ARHGEF18: variants seen among roughly 807,000 people sequenced by gnomAD.
The protein encoded by ARHGEF18 is rho guanine nucleotide exchange factor 18.
Under a neutral mutation model 155.7 loss-of-function variants are expected in ARHGEF18, and 93 were observed. The observed-to-expected ratio is 0.60, with a 90% confidence interval of 0.50 to 0.71. The LOEUF (loss-of-function observed/expected upper bound fraction) is 0.71. Among genes scored for constraint, ARHGEF18 ranks in the 30% least tolerant of loss-of-function variants. The pLI, the probability that ARHGEF18 is intolerant of heterozygous loss-of-function variation, is 0.00. For synonymous variants in ARHGEF18, 742 were observed against 753.1 expected (o/e 0.99, Z 0.24); for missense variants, 1,593 against 1,816.1 (o/e 0.88, Z 2.23).
chr19:7,458,278 C>T lies in ARHGEF18; in HGVS notation c.2182-234C>T, dbSNP rs1975972460. On this transcript the variant is annotated intron_variant, in intron 18 of 28. Coordinates refer to ENST00000668164, the MANE Select transcript of ARHGEF18 (RefSeq NM_001367823.1). ...CTACAGCCTGGGTGACAGAGCAAGACCTGGCCTCCAAGATAGTTTAAAAAA... is the reference window on the plus strand; with the variant it reads ...CTACAGCCTGGGTGACAGAGCAAGATCTGGCCTCCAAGATAGTTTAAAAAA... Among the ~76,000 whole-genome samples the T allele has an allele frequency of 2.8e-5, 4 of 141,170 alleles. No individual in the cohort carries two copies. In the South Asian group the frequency reaches 6.7e-4, roughly 24 times the overall value. The allele number at this position is 141,170 out of a possible 152,430, so 92.6% of individuals were successfully genotyped here.
chr19:7,429,462 GT>G (rs754812819), intron 10 of ARHGEF18, among the ~76,000 whole-genome samples: 38 of 152,144 alleles, frequency 2.5e-4, no homozygotes, highest in Non-Finnish European at 4.4e-4. Context: ...AATTACCTAG[GT>G]GTGGTGGCAG....
At chr19:7,420,905 G>A (rs1304110466) in intron 10 of ARHGEF18, among the ~76,000 whole-genome samples, 1 of 152,134 alleles carries the variant, frequency 6.6e-6, no homozygotes, top group Non-Finnish European at 1.5e-5. Context: ...GATGGATGGC[G>A]GACAGCTCTG....
At chr19:7,432,925 C>T (rs1253758114) in intron 10 of ARHGEF18, among the ~76,000 whole-genome samples, 1 of 152,170 alleles carries the variant, frequency 6.6e-6, no homozygotes, top group Non-Finnish European at 1.5e-5. Context: ...TTTGGGAAGT[C>T]GAAGCGGGAG....
In ARHGEF18 at chr19:7,466,827, GTT is replaced by G. The variant is rs1345360345; in HGVS notation, c.2905-90_2905-89del. 5.2e-5 allele frequency: 34 copies of G among 649,792 alleles called. No homozygotes were observed. The Middle Eastern group carries it at 1.5e-3, about 29-fold the overall frequency. 40.3% of individuals were successfully genotyped at this position (649,792 alleles called of 1,614,324 possible). Reference sequence around the variant, plus strand: ...CTCAAAAAAAAAAAAAAAAAAAAAAGTTAAAAAAAAAGAAGAAGAAGAAGAAG... The same window carrying G: ...CTCAAAAAAAAAAAAAAAAAAAAAAGAAAAAAAAAGAAGAAGAAGAAGAAG... On this transcript the variant is annotated intron_variant, in intron 23 of 28. Transcript: ENST00000668164.
Position 7,359,705 on chromosome 19 carries a change from T to A in ARHGEF18, c.-110-3076T>A, listed in dbSNP as rs60089235. Among the ~76,000 whole-genome samples the A allele has an allele frequency of 0.013, 1,913 of 152,246 alleles. 135 individuals are homozygous for A. The East Asian group carries it at 0.22, about 18-fold the overall frequency. ...GATATCAGGATCAAGGCTCAGTATATGACACCAGGATCATGGCTCAGTCTG... is the reference window on the plus strand; with the variant it reads ...GATATCAGGATCAAGGCTCAGTATAAGACACCAGGATCATGGCTCAGTCTG... On this transcript the variant is annotated intron_variant, in intron 1 of 28. Transcript: ENST00000668164.
chr19:7,421,391 G>A (rs1338488170), intron 10 of ARHGEF18, among the ~76,000 whole-genome samples: 1 of 152,128 alleles, frequency 6.6e-6, no homozygotes, highest in African/African-American at 2.4e-5. Flanking sequence ...TCAGAGGGCC[G>A]ACTTTTCCCA....
At chr19:7,434,033 A>G (rs892718116) in intron 10 of ARHGEF18, among the ~76,000 whole-genome samples, 87 of 121,446 alleles carry the variant, frequency 7.2e-4, no homozygotes, top group East Asian at 9.7e-4. Flanking sequence ...AAAAAAAAAA[A>G]AAAAGAAAAA....
intron 17 of ARHGEF18, among the ~76,000 whole-genome samples, chr19:7,454,246 G>A (rs1403511211): frequency 6.6e-6 from 1 of 150,698 alleles, no homozygotes; most frequent in Non-Finnish European, 1.5e-5. Flanking sequence ...GCACAATTTG[G>A]GTTGGTGGGT....
At chr19:7,423,670 A>G (rs981117841) in intron 10 of ARHGEF18, among the ~76,000 whole-genome samples, 1 of 150,018 alleles carries the variant, frequency 6.7e-6, no homozygotes, top group Non-Finnish European at 1.5e-5. Flanking sequence ...GCGCCACTGC[A>G]CTCTAGCCTG....
intron 1 of ARHGEF18, among the ~76,000 whole-genome samples, chr19:7,351,708 T>C (rs1286280511): frequency 1.3e-4 from 17 of 132,652 alleles, no homozygotes; most frequent in African/African-American, 6.0e-4. Context: ...CTCTCTCTTT[T>C]TTTTTTTTTT....
intron 2 of ARHGEF18, among the ~76,000 whole-genome samples, chr19:7,369,416 G>A (rs1233266890): frequency 1.7e-4 from 25 of 150,036 alleles, no homozygotes; most frequent in Non-Finnish European, 3.0e-4. Context: ...AGCTGAGATC[G>A]GGCCATTGCA....
intron 3 of ARHGEF18, among the ~76,000 whole-genome samples, chr19:7,375,394 G>GGAAGAAAGGAAA (rs1970409265): frequency 6.7e-6 from 1 of 148,514 alleles, no homozygotes; most frequent in Admixed American, 6.8e-5. Context: ...AAGGAAGGAA[G>GGAAGAAAGGAAA]GAAGAAAGGA....
chr19:7,473,593 C>T (rs541868819), downstream of ARHGEF18, among the ~76,000 whole-genome samples: 40 of 152,046 alleles, frequency 2.6e-4, no homozygotes, highest in Non-Finnish European at 4.9e-4. Flanking sequence ...GGGCAGATTA[C>T]GAGGTCAGGA....
At chr19:7,479,577 G>C in the ARHGEF18 span, among the ~76,000 whole-genome samples, 2 of 152,242 alleles carry the variant, frequency 1.3e-5, no homozygotes, top group Admixed American at 6.5e-5. Flanking sequence ...CCTTAGGGCA[G>C]ATGTCTGGTC....
At chr19:7,406,112 G>A (rs1287626671) in intron 10 of ARHGEF18, among the ~76,000 whole-genome samples, 1 of 152,056 alleles carries the variant, frequency 6.6e-6, no homozygotes, top group African/African-American at 2.4e-5. Context: ...ACGGAGTTTC[G>A]CTCTGTCACC....
chr19:7,349,803 T>G (rs1402625711), intron 1 of ARHGEF18, among the ~76,000 whole-genome samples: 1 of 151,982 alleles, frequency 6.6e-6, no homozygotes. Flanking sequence ...AAGGCCCTCC[T>G]GCGTGGAGAC....
In ARHGEF18 at chr19:7,470,227, C is replaced by A. The variant is rs1306664417; in HGVS notation, c.4015C>A (p.Pro1339Thr). The A allele has an allele frequency of 1.2e-6, 2 of 1,609,094 alleles. No individual in the cohort carries two copies. Among genetic ancestry groups the A allele is most frequent in the Non-Finnish European group, 1.7e-6 (2 of 1,178,432 alleles). Residue 1339 changes from proline (P) to threonine (T), a missense_variant, in exon 29 of 29, where the codon CCC becomes ACC. Transcript: ENST00000668164. This position sits in a 1 kb window ranked among gnomAD's most constrained non-coding sequence, Gnocchi z 5.9. Reference sequence around the variant, plus strand: ...AGCCCTCCTGCCCGGGCCCCCAGCTCCCTCGCCACTGCCGGCCACACCACT... The same window carrying A: ...AGCCCTCCTGCCCGGGCCCCCAGCTACCTCGCCACTGCCGGCCACACCACT... ...GTALLPGPPA[P>T]SPLPATPLSA...
Position 7,471,561 on chromosome 19 carries a change from C to T in ARHGEF18, c.*1263C>T, listed in dbSNP as rs999778172. 3.3e-5 allele frequency: 5 copies of T among 152,276 alleles called. No individual in the cohort carries two copies. In the East Asian group the frequency reaches 7.7e-4, roughly 23 times the overall value. The allele number at this position is 152,276 out of a possible 1,614,324, so 9.4% of individuals were successfully genotyped here. ...CCCTGCCAGGGCCAAGTCCTTCTCC[C>T]GAACCCAGGGTCCTGGGAACTGCAG... On this transcript the variant is annotated 3_prime_UTR_variant, in exon 29 of 29. Coordinates refer to ENST00000668164, the MANE Select transcript of ARHGEF18 (RefSeq NM_001367823.1). This position sits in a 1 kb window ranked among gnomAD's most constrained non-coding sequence, Gnocchi z 4.4.
chr19:7,354,190 A>C (rs1338540568), intron 1 of ARHGEF18, among the ~76,000 whole-genome samples: 3 of 152,060 alleles, frequency 2.0e-5, no homozygotes, highest in Non-Finnish European at 2.9e-5. Context: ...GATAGCATGC[A>C]TGTACATTCC....
Sources: allele counts gnomAD v4.1 joint callset (sites outside exome capture counted in the v4.1 genomes callset), GRCh38; gene constraint gnomAD v4.1.1; non-coding constraint Gnocchi (gnomAD v3.1); transcripts MANE v1.5; gene names NCBI Gene and HGNC (gene_info 2026-07-23, HGNC 2026-07-21).